The following VDAC1 variants were observed in gnomAD, a reference collection of about 807,000 sequenced individuals.
VDAC1 encodes voltage dependent anion channel 1.
A neutral mutation model predicts 34.7 loss-of-function variants in VDAC1; 10 were observed. The observed-to-expected ratio is 0.29, with a 90% CI of 0.18 to 0.49. The LOEUF (loss-of-function observed/expected upper bound fraction) is 0.49. VDAC1 is among the 20% of genes least tolerant of loss of function. The pLI is 0.99. For missense variants in VDAC1, 230 were observed against 347.9 expected, an observed-to-expected ratio of 0.66 and a Z score of 2.69; for synonymous variants, 130 against 136.0, an observed-to-expected ratio of 0.96 and a Z score of 0.30.
the VDAC1 span, among the ~76,000 whole-genome samples, chr5:134,085,645 C>T: frequency 1.4e-5 from 2 of 137,988 alleles, no homozygotes; most frequent in Non-Finnish European, 3.0e-5. Flanking sequence ...CCCAGCCCTC[C>T]GGAAGGCAAA....
the VDAC1 span, among the ~76,000 whole-genome samples, chr5:134,034,395 G>A: frequency 2.0e-5 from 3 of 152,246 alleles, no homozygotes; most frequent in East Asian, 5.8e-4. Context: ...ATCTTGAAAC[G>A]AGGGTGGGCC....
At chr5:134,103,790 C>CCA in the VDAC1 span, among the ~76,000 whole-genome samples, 1 of 152,248 alleles carries the variant, frequency 6.6e-6, no homozygotes, top group African/African-American at 2.4e-5. Flanking sequence ...GGCCAGAACA[C>CCA]CACACTATCT....
the VDAC1 span, among the ~76,000 whole-genome samples, chr5:134,047,814 C>T: frequency 6.6e-6 from 1 of 152,170 alleles, no homozygotes; most frequent in Non-Finnish European, 1.5e-5. Context: ...AAGGGGATGT[C>T]GCGGGGCAGG....
chr5:134,025,945 A>T, the VDAC1 span, among the ~76,000 whole-genome samples: 2 of 152,056 alleles, frequency 1.3e-5, no homozygotes, highest in Non-Finnish European at 2.9e-5. Context: ...GAAAGATGTG[A>T]GTTTGGATTG....
chr5:134,050,260 T>C, the VDAC1 span, among the ~76,000 whole-genome samples: 1 of 152,080 alleles, frequency 6.6e-6, no homozygotes, highest in African/African-American at 2.4e-5. Context: ...AGAAAATAAA[T>C]AAATAAATAA....
At chr5:134,057,215 C>T in the VDAC1 span, among the ~76,000 whole-genome samples, 4 of 152,306 alleles carry the variant, frequency 2.6e-5, no homozygotes, top group Middle Eastern at 3.4e-3. Context: ...CACGGTGGCT[C>T]ATGCCTGTAA....
the VDAC1 span, among the ~76,000 whole-genome samples, chr5:134,055,593 T>TGG: frequency 2.9e-5 from 1 of 34,014 alleles, no homozygotes; most frequent in Non-Finnish European, 7.9e-5. Flanking sequence ...CTAATGTTTT[T>TGG]TTTTTTTTTT....
the VDAC1 span, among the ~76,000 whole-genome samples, chr5:134,030,668 A>T: frequency 6.6e-6 from 1 of 150,948 alleles, no homozygotes; most frequent in Non-Finnish European, 1.5e-5. Context: ...CAGTGGTGAC[A>T]GCGATCTCAG....
At chr5:133,993,082 A>G in intron 1 of VDAC1, 64 bp from the exon 2 acceptor site, 4 of 1,489,410 alleles carry the variant, frequency 2.7e-6, no homozygotes, top group Non-Finnish European at 3.7e-6. Flanking sequence ...TTCCATCAAT[A>G]ACAATTATTA....
At chr5:134,095,542 G>A in the VDAC1 span, among the ~76,000 whole-genome samples, 3 of 151,890 alleles carry the variant, frequency 2.0e-5, no homozygotes, top group African/African-American at 4.8e-5. Context: ...GGAAGACAGA[G>A]TGGACTGTTT....
the VDAC1 span, among the ~76,000 whole-genome samples, chr5:134,011,299 C>G: frequency 2.6e-5 from 4 of 151,952 alleles, no homozygotes; most frequent in African/African-American, 4.8e-5. Flanking sequence ...GCGCCCAGCC[C>G]CCTCTGCCCT....
At chr5:134,031,251 G>A in the VDAC1 span, among the ~76,000 whole-genome samples, 919 of 152,062 alleles carry the variant, frequency 6.0e-3, 32 homozygotes, top group Admixed American at 0.054. Context: ...TCATATATGG[G>A]AAAATGAAGA....
At chr5:134,085,722 TAAAAAAAAAAAAAA>T in the VDAC1 span, among the ~76,000 whole-genome samples, 9 of 44,250 alleles carry the variant, frequency 2.0e-4, no homozygotes, top group South Asian at 3.0e-3. Flanking sequence ...ACCCCATTTC[TAAAAAAAAAAAAAA>T]AAAAAAAAAA....
At chr5:134,092,381 G>T in the VDAC1 span, among the ~76,000 whole-genome samples, 1,409 of 152,274 alleles carry the variant, frequency 9.3e-3, 26 homozygotes, top group African/African-American at 0.032. Flanking sequence ...ACTGTCTTGG[G>T]CTTCTCCCTA....
the VDAC1 span, among the ~76,000 whole-genome samples, chr5:134,084,413 G>A: frequency 6.6e-6 from 1 of 152,180 alleles, no homozygotes; most frequent in African/African-American, 2.4e-5. Flanking sequence ...AGTCTCAGAG[G>A]GCCAGACACT....
chr5:133,992,439 CT>C, intron 2 of VDAC1, 84 bp from the exon 3 acceptor site: 5 of 1,120,080 alleles, frequency 4.5e-6, no homozygotes, highest in South Asian at 4.4e-5. Flanking sequence ...CTTCAGGATG[CT>C]TTTTTAAAAA....
the VDAC1 span, among the ~76,000 whole-genome samples, chr5:134,085,212 G>T: frequency 4.9e-4 from 75 of 151,984 alleles, no homozygotes; most frequent in Non-Finnish European, 1.0e-3. Context: ...GGGACTACAG[G>T]TGCCCACCAC....
chr5:133,975,779 GCTGAAGCACAGCA>G, intron 7 of VDAC1, 79 bp downstream of exon 7: 1 of 1,555,306 alleles, frequency 6.4e-7, no homozygotes, highest in South Asian at 1.2e-5. Context: ...CTTTGAGTAA[GCTGAAGCACAGCA>G]CTCCAGCAAA....
chr5:133,975,043 G>A (rs905798268), intron 7 of VDAC1, among the ~76,000 whole-genome samples: 7 of 152,090 alleles, frequency 4.6e-5, no homozygotes, highest in African/African-American at 1.7e-4. Flanking sequence ...GAGGTGGGAG[G>A]ACAGCTTGAG....
Sources: gnomAD v4.1 joint callset for allele counts (sites outside exome capture counted in the v4.1 genomes callset) on GRCh38, gnomAD v4.1.1 for gene constraint, MANE v1.5 for transcripts, NCBI Gene and HGNC (gene_info 2026-07-23, HGNC 2026-07-21) for gene names.